Variants in TNFSF13B observed in about 807,000 individuals in gnomAD.
The protein encoded by TNFSF13B is tumor necrosis factor ligand superfamily member 13B.
TNFSF13B carries 8 observed loss-of-function variants against 29.1 expected under a neutral mutation model. The ratio of observed to expected loss-of-function variants is 0.27; its 90% CI spans 0.16 to 0.50. The LOEUF (loss-of-function observed/expected upper bound fraction) is 0.50, where lower values mean the gene tolerates loss of function less well. Ranked by LOEUF, TNFSF13B falls within the 20% of genes least tolerant of loss-of-function variation. TNFSF13B has a pLI of 0.98. For synonymous variants in TNFSF13B, 125 were observed against 130.8 expected (o/e 0.96, Z 0.30); for missense variants, 248 against 334.9 (o/e 0.74, Z 2.03).
intron 2 of TNFSF13B, among the ~76,000 whole-genome samples, chr13:108,272,997 C>T (rs945593469): frequency 1.3e-5 from 2 of 151,936 alleles, no homozygotes; most frequent in Non-Finnish European, 2.9e-5. Flanking sequence ...TAATGGCATC[C>T]AGGAATAGTA....
intron 2 of TNFSF13B, among the ~76,000 whole-genome samples, chr13:108,282,356 C>T (rs1042990897): frequency 6.6e-6 from 1 of 152,078 alleles, no homozygotes; most frequent in Non-Finnish European, 1.5e-5. Flanking sequence ...AATAATAAAC[C>T]AGTTTCAAGT....
At chr13:108,289,616 A>G (rs1410895859) in intron 3 of TNFSF13B, among the ~76,000 whole-genome samples, 1 of 147,900 alleles carries the variant, frequency 6.8e-6, no homozygotes, top group Non-Finnish European at 1.5e-5. Context: ...ATATATTATT[A>G]TCTTCTGGGG....
Position 108,306,823 on chromosome 13 carries a change from C to G in TNFSF13B, c.746-3C>G. 1 of 1,573,446 alleles carries G rather than the reference C, an allele frequency of 6.4e-7. No homozygotes were observed. Among genetic ancestry groups the G allele is most frequent in the Non-Finnish European group, 8.7e-7 (1 of 1,146,818 alleles). Reference sequence around the variant, plus strand: ...ATAGTTCTTGTAAATCATTTTTTCCCAGGCATTGCAAAACTGGAAGAAGGA... The same window carrying G: ...ATAGTTCTTGTAAATCATTTTTTCCGAGGCATTGCAAAACTGGAAGAAGGA... On this transcript the variant is annotated splice_polypyrimidine_tract_variant and splice_region_variant and intron_variant, in intron 5 of 5. Coordinates refer to ENST00000375887, the MANE Select transcript of TNFSF13B (RefSeq NM_006573.5).
chr13:108,280,186 A>C (rs901472930), intron 2 of TNFSF13B, among the ~76,000 whole-genome samples: 5 of 152,080 alleles, frequency 3.3e-5, no homozygotes, highest in African/African-American at 9.7e-5. Context: ...AAAAGTTAAA[A>C]ATTTAAACCA....
At chr13:108,283,455 T>C (rs1881020800) in intron 2 of TNFSF13B, among the ~76,000 whole-genome samples, 2 of 152,220 alleles carry the variant, frequency 1.3e-5, no homozygotes, top group South Asian at 4.1e-4. Flanking sequence ...GCACATTTTC[T>C]GCTAAATGTT....
intron 5 of TNFSF13B, among the ~76,000 whole-genome samples, chr13:108,305,761 C>G (rs1197753629): frequency 6.6e-6 from 1 of 152,108 alleles, no homozygotes; most frequent in Non-Finnish European, 1.5e-5. Flanking sequence ...TTCTGTCATC[C>G]TTGATCACTA....
chr13:108,275,087 T>A (rs889115440), intron 2 of TNFSF13B, among the ~76,000 whole-genome samples: 2 of 152,166 alleles, frequency 1.3e-5, no homozygotes, highest in Admixed American at 1.3e-4. Context: ...TAAACAGAAA[T>A]GTGGGGAAAT....
In TNFSF13B at chr13:108,297,646, A is replaced by C. The variant is rs931048288; in HGVS notation, c.482-5607A>C. On this transcript the variant is annotated intron_variant, in intron 3 of 5. Transcript: ENST00000375887. ...TGTTCACTTTTCTTTTTTCTTTTTTATTTTAACTTTATTTTTAGAGCCATT... is the reference window on the plus strand; with the variant it reads ...TGTTCACTTTTCTTTTTTCTTTTTTCTTTTAACTTTATTTTTAGAGCCATT... Among the ~76,000 whole-genome samples, 17 of 142,414 alleles carry C rather than the reference A, an allele frequency of 1.2e-4. 3 individuals carry two copies. Among genetic ancestry groups the C allele is most frequent in the Admixed American group, 3.4e-4 (5 of 14,514 alleles). The allele number at this position is 142,414 out of a possible 152,430, so 93.4% of individuals were successfully genotyped here. A position where few individuals can be genotyped will look rare whatever the true frequency, so the allele number is the denominator to read the frequency against.
At chr13:108,282,670 T>C (rs896929849) in intron 2 of TNFSF13B, among the ~76,000 whole-genome samples, 3 of 152,168 alleles carry the variant, frequency 2.0e-5, no homozygotes, top group African/African-American at 7.2e-5. Flanking sequence ...TTAGAAATGT[T>C]TTATGTGAAG....
At chr13:108,304,714 AAC>A (rs1881722521) in intron 5 of TNFSF13B, among the ~76,000 whole-genome samples, 1 of 152,190 alleles carries the variant, frequency 6.6e-6, no homozygotes, top group African/African-American at 2.4e-5. Flanking sequence ...CATTTTGAAA[AAC>A]TGTATTTCAA....
At chr13:108,270,910 G>A (rs1256601051) in intron 2 of TNFSF13B, among the ~76,000 whole-genome samples, 1 of 152,058 alleles carries the variant, frequency 6.6e-6, no homozygotes, top group African/African-American at 2.4e-5. Flanking sequence ...GGCCCTGTAT[G>A]TTGTACTTTA....
At chr13:108,271,777 A>C (rs928990610) in intron 2 of TNFSF13B, among the ~76,000 whole-genome samples, 1 of 152,162 alleles carries the variant, frequency 6.6e-6, no homozygotes, top group Non-Finnish European at 1.5e-5. Flanking sequence ...GACTTATACA[A>C]TAAGGATTTT....
chr13:108,303,128 T>C, intron 3 of TNFSF13B, 125 bp from the exon 4 acceptor site: 2 of 739,538 alleles, frequency 2.7e-6, no homozygotes, highest in Non-Finnish European at 4.2e-6. Flanking sequence ...TTTTTTTCTT[T>C]CTTTCTTTCT....
Position 108,269,726 on chromosome 13 carries a change from A to C in TNFSF13B, c.-170A>C. ...CAAACCTACTGTACAGTAGGGGTAG[A>C]GATGCAGAAAGGCAGAAAGGAGAAA... On this transcript the variant is annotated 5_prime_UTR_variant, in exon 1 of 6. Coordinates refer to ENST00000375887, the MANE Select transcript of TNFSF13B (RefSeq NM_006573.5). 1.6e-6 allele frequency: 1 copy of C among 629,518 alleles called. No individual in the cohort carries two copies. The highest frequency in any genetic ancestry group is 1.9e-5 in the South Asian group (1 of 51,434). 39.0% of individuals were successfully genotyped at this position (629,518 alleles called of 1,614,324 possible). A position where few individuals can be genotyped will look rare whatever the true frequency, so the allele number is the denominator to read the frequency against.
At chr13:108,273,739 A>AT (rs1041586373) in intron 2 of TNFSF13B, among the ~76,000 whole-genome samples, 2 of 152,178 alleles carry the variant, frequency 1.3e-5, no homozygotes, top group Admixed American at 6.5e-5. Flanking sequence ...TTCTTGTGTA[A>AT]TGCAATATCA....
chr13:108,270,115 G>T lies in TNFSF13B; in HGVS notation c.220G>T (p.Gly74Trp). 2 of 1,602,890 alleles carry T rather than the reference G, an allele frequency of 1.2e-6. No homozygotes were observed. The highest frequency in any genetic ancestry group is 1.7e-6 in the Non-Finnish European group (2 of 1,179,926). ...VSFYQVAALQ[G>W]DLASLRAELQ... ...TTTCTACCAGGTGGCCGCCCTGCAAGGGGACCTGGCCAGCCTCCGGGCAGA... is the reference window on the plus strand; with the variant it reads ...TTTCTACCAGGTGGCCGCCCTGCAATGGGACCTGGCCAGCCTCCGGGCAGA... The change falls in exon 1 of 6, where the codon GGG (glycine) becomes TGG (tryptophan). Residue 74 changes from glycine to tryptophan, a missense_variant. Physicochemically the swap from Gly to Trp is radical, Grantham distance 184 (BLOSUM62 -2). Around this residue, in one of 2 missense-constraint regions of TNFSF13B, gnomAD observed 186 missense variants for 196.3 expected, o/e 0.95. Coordinates refer to ENST00000375887, the MANE Select transcript of TNFSF13B (RefSeq NM_006573.5).
At chr13:108,299,920 A>G (rs908391650) in intron 3 of TNFSF13B, among the ~76,000 whole-genome samples, 1 of 152,218 alleles carries the variant, frequency 6.6e-6, no homozygotes, top group African/African-American at 2.4e-5. Context: ...ATAGAGACCT[A>G]CTAAGTATTT....
At chr13:108,290,378 A>G (rs1310044202) in intron 3 of TNFSF13B, among the ~76,000 whole-genome samples, 1 of 152,132 alleles carries the variant, frequency 6.6e-6, no homozygotes, top group South Asian at 2.1e-4. Context: ...ATGTCAGCCT[A>G]TGTGTGGGAC....
At chr13:108,276,034 A>G (rs934748027) in intron 2 of TNFSF13B, among the ~76,000 whole-genome samples, 1 of 152,202 alleles carries the variant, frequency 6.6e-6, no homozygotes, top group African/African-American at 2.4e-5. Context: ...TTTGAAATCC[A>G]AAGTCCAACT....
Sources: gnomAD v4.1 joint callset for allele counts (sites outside exome capture counted in the v4.1 genomes callset) on GRCh38, gnomAD v4.1.1 for gene constraint, gnomAD v4.1.1 regional missense constraint, MANE v1.5 for transcripts, NCBI Gene and HGNC (gene_info 2026-07-23, HGNC 2026-07-21) for gene names.